C3orf52: variants seen among roughly 807,000 people sequenced by gnomAD.
C3orf52 encodes chromosome 3 open reading frame 52.
C3orf52 carries 22 observed loss-of-function variants against 24.8 expected under a neutral mutation model. The ratio of observed to expected loss-of-function variants is 0.89; its 90% CI spans 0.63 to 1.27. The LOEUF (loss-of-function observed/expected upper bound fraction) is 1.27, where lower values mean the gene tolerates loss of function less well. C3orf52 is among the 50% of genes most tolerant of loss of function. The pLI is 0.00. For missense variants in C3orf52, 265 were observed against 260.7 expected (o/e 1.02, Z -0.11); for synonymous variants, 93 against 100.2 (o/e 0.93, Z 0.43).
rs2074005490 is a variant in C3orf52 at position 112,104,358 on chromosome 3, C to T, written c.396+1393C>T. Among the ~76,000 whole-genome samples the T allele has an allele frequency of 2.0e-5, 3 of 152,178 alleles. No individual in the cohort carries two copies. In the South Asian group the frequency reaches 6.2e-4, roughly 32 times the overall value. ...TTTGATAAGAAAATCTAGGCAAGAG[C>T]AGGCTGCCCTCCATTAAATTCTTCT... is the stretch of plus-strand genomic sequence containing the variant. On this transcript the variant is annotated intron_variant, in intron 3 of 5. Transcript: ENST00000264848.
chr3:112,102,801 TTTTG>T, intron 2 of C3orf52, 33 bp from the exon 3 acceptor site: 1 of 1,520,062 alleles, frequency 6.6e-7, no homozygotes, highest in East Asian at 2.5e-5. Context: ...AGGTGTTTAC[TTTTG>T]TTTTTCATTT....
downstream of C3orf52, chr3:112,132,686 T>A (rs547284027): frequency 1.4e-5 from 14 of 987,896 alleles, no homozygotes; most frequent in African/African-American, 2.1e-4. Flanking sequence ...GGCAGGAAGC[T>A]TGCTGTTTAT....
intron 4 of C3orf52, among the ~76,000 whole-genome samples, chr3:112,110,305 A>G (rs1190268336): frequency 6.6e-6 from 1 of 152,044 alleles, no homozygotes; most frequent in Non-Finnish European, 1.5e-5. Context: ...CTCCAGCCTG[A>G]GTGACAGAGT....
chr3:112,108,318 C>T (rs925757271), intron 3 of C3orf52, among the ~76,000 whole-genome samples: 15 of 151,978 alleles, frequency 9.9e-5, no homozygotes, highest in African/African-American at 2.2e-4. Flanking sequence ...TTATACTCCT[C>T]GGAGTGGTAA....
chr3:112,086,452 C>T lies in C3orf52; in HGVS notation c.45C>T (p.Leu15=). The change falls in exon 1 of 6, where the codon CTC becomes CTT. Residue 15 remains leucine, a synonymous_variant. Coordinates refer to ENST00000264848, the MANE Select transcript of C3orf52 (RefSeq NM_024616.3). ...QPSQPVDELE[L]SVLERQPEEN... ...CACAGCCAGTAGACGAGCTGGAGCT[C>T]TCGGTGCTCGAGCGGCAGCCAGAAG... is the stretch of plus-strand genomic sequence containing the variant. 1.3e-6 allele frequency: 2 copies of T among 1,551,462 alleles called. No homozygotes were observed. The highest frequency in any genetic ancestry group is 1.7e-6 in the Non-Finnish European group (2 of 1,146,822).
At chr3:112,097,172 GATA>G (rs756052005) in intron 2 of C3orf52, among the ~76,000 whole-genome samples, 29 of 152,084 alleles carry the variant, frequency 1.9e-4, no homozygotes, top group East Asian at 1.2e-3. Flanking sequence ...TTTCTTTCTG[GATA>G]ATTTGGAGGA....
At chr3:112,111,038 A>C (rs1576147379) in intron 4 of C3orf52, among the ~76,000 whole-genome samples, 1 of 152,154 alleles carries the variant, frequency 6.6e-6, no homozygotes, top group African/African-American at 2.4e-5. Flanking sequence ...GTGAAACCCC[A>C]TGTCTACTAA....
intron 1 of C3orf52, among the ~76,000 whole-genome samples, chr3:112,091,127 A>G (rs1048462504): frequency 2.0e-5 from 3 of 152,178 alleles, no homozygotes; most frequent in African/African-American, 7.2e-5. Flanking sequence ...GTCAGTGTAA[A>G]GTGCACTTGG....
intron 1 of C3orf52, among the ~76,000 whole-genome samples, chr3:112,087,155 G>C (rs753838731): frequency 7.0e-6 from 1 of 142,706 alleles, no homozygotes; most frequent in Non-Finnish European, 1.5e-5. Context: ...GGCTGGCGTA[G>C]AGATGGGGCG....
Position 112,117,029 on chromosome 3 carries a change from C to A in C3orf52, c.*383C>A. The A allele has an allele frequency of 9.1e-7, 1 of 1,104,792 alleles. No homozygotes were observed. The highest frequency in any genetic ancestry group is 1.3e-6 in the Non-Finnish European group (1 of 780,510). 68.4% of individuals were successfully genotyped at this position (1,104,792 alleles called of 1,614,324 possible). The stretch of plus-strand genomic sequence containing the variant: ...GTGCGGTGGCGTGATCATGGCACTG[C>A]TATTCTTGAAGCACTCCACCCACCT... On this transcript the variant is annotated 3_prime_UTR_variant, in exon 6 of 6. Transcript: ENST00000264848.
intron 2 of C3orf52, among the ~76,000 whole-genome samples, chr3:112,101,637 T>C (rs2073972538): frequency 6.6e-6 from 1 of 152,236 alleles, no homozygotes; most frequent in Non-Finnish European, 1.5e-5. Context: ...AACTCTTTTC[T>C]GCACATTCCT....
intron 3 of C3orf52, among the ~76,000 whole-genome samples, chr3:112,108,561 A>T (rs1030649969): frequency 1.3e-5 from 2 of 152,210 alleles, no homozygotes; most frequent in African/African-American, 4.8e-5. Flanking sequence ...TGATGGGGAA[A>T]ATTGAGAATA....
chr3:112,135,854 AGT>A (rs2107822640), downstream of C3orf52, among the ~76,000 whole-genome samples: 1 of 152,262 alleles, frequency 6.6e-6, no homozygotes, highest in South Asian at 2.1e-4. Context: ...TGTATAATCT[AGT>A]TTGCAGCTCT....
downstream of C3orf52, among the ~76,000 whole-genome samples, chr3:112,132,280 C>T (rs920463868): frequency 6.6e-6 from 1 of 152,048 alleles, no homozygotes; most frequent in East Asian, 1.9e-4. Flanking sequence ...GTGTTCCACT[C>T]TCCAGTAGCA....
intron 3 of C3orf52, among the ~76,000 whole-genome samples, chr3:112,107,935 C>T (rs1473401044): frequency 6.6e-6 from 1 of 152,130 alleles, no homozygotes; most frequent in African/African-American, 2.4e-5. Context: ...GGTAAGCTCC[C>T]CATAGGGCAC....
chr3:112,134,589 A>G (rs2074530075), downstream of C3orf52: 2 of 152,238 alleles, frequency 1.3e-5, no homozygotes, highest in Admixed American at 1.3e-4. Context: ...TTCTTATAAA[A>G]TTGAACATAG....
chr3:112,116,777 G>A lies in C3orf52; in HGVS notation c.*131G>A. 1 of 1,545,168 alleles carries A rather than the reference G, an allele frequency of 6.5e-7. No homozygotes were observed. Among genetic ancestry groups the A allele is most frequent in the Admixed American group, 2.0e-5 (1 of 51,004 alleles). ...GCACCAGCAACACCAGAGGGGTGGAGACTCCTTTCTCTCCCGATTCTACAG... is the reference window on the plus strand; with the variant it reads ...GCACCAGCAACACCAGAGGGGTGGAAACTCCTTTCTCTCCCGATTCTACAG... On this transcript the variant is annotated 3_prime_UTR_variant, in exon 6 of 6. Coordinates refer to ENST00000264848, the MANE Select transcript of C3orf52 (RefSeq NM_024616.3).
chr3:112,091,146 A>T (rs1279743815), intron 1 of C3orf52, among the ~76,000 whole-genome samples: 1 of 152,208 alleles, frequency 6.6e-6, no homozygotes, highest in Non-Finnish European at 1.5e-5. Flanking sequence ...GGGAAATCCA[A>T]CATTTGTCCC....
chr3:112,115,598 A>G (rs900837132), intron 5 of C3orf52, among the ~76,000 whole-genome samples: 2 of 152,128 alleles, frequency 1.3e-5, no homozygotes, highest in Non-Finnish European at 2.9e-5. Flanking sequence ...AAAAAAATGT[A>G]CCTACTTCTC....
Sources: allele counts gnomAD v4.1 joint callset (sites outside exome capture counted in the v4.1 genomes callset), GRCh38; gene constraint gnomAD v4.1.1; transcripts MANE v1.5; gene names NCBI Gene and HGNC (gene_info 2026-07-23, HGNC 2026-07-21).